The following TTC39A variants were observed in gnomAD, a reference collection of about 807,000 sequenced individuals.
TTC39A encodes tetratricopeptide repeat domain 39A, also known as tetratricopeptide repeat protein 39A.
Under a neutral mutation model 82.3 loss-of-function variants are expected in TTC39A, and 46 were observed. That is an observed-to-expected ratio of 0.56 (90% CI 0.44 to 0.71). The LOEUF is 0.71. Among genes scored for constraint, TTC39A ranks in the 30% least tolerant of loss-of-function variants. The pLI, the probability that TTC39A is intolerant of heterozygous loss-of-function variation, is 0.00. For synonymous variants in TTC39A, 254 were observed against 275.2 expected (o/e 0.92, Z 0.76); for missense variants, 543 against 712.9 (o/e 0.76, Z 2.71).
Position 51,321,648 on chromosome 1 carries a change from C to T in TTC39A, c.146+73G>A. On this transcript the variant is annotated intron_variant, in intron 2 of 17. Transcript: ENST00000680483. This position sits in a 1 kb window ranked among gnomAD's most constrained non-coding sequence, Gnocchi z 4.6. ...AAAGGCATTTAGTTACACAGGGTTC[C>T]TCTCATACAAGACCTCTGGTTCTCC... 2.9e-6 allele frequency: 4 copies of T among 1,403,196 alleles called. 1 individual carries two copies. In the South Asian group the frequency reaches 4.9e-5, roughly 17 times the overall value. The allele number at this position is 1,403,196 out of a possible 1,614,324, so 86.9% of individuals were successfully genotyped here. A position where few individuals can be genotyped will look rare whatever the true frequency, so the allele number is the denominator to read the frequency against.
At chr1:51,344,075 G>T (rs1361257980) in intron 1 of TTC39A, among the ~76,000 whole-genome samples, 1 of 152,180 alleles carries the variant, frequency 6.6e-6, no homozygotes, top group Admixed American at 6.5e-5. Flanking sequence ...TGTAGACGGG[G>T]GTGGGAGAAA....
chr1:51,323,452 T>TCTGGTCCAG (rs1645601077), intron 1 of TTC39A, among the ~76,000 whole-genome samples: 1 of 152,118 alleles, frequency 6.6e-6, no homozygotes, highest in Non-Finnish European at 1.5e-5. Flanking sequence ...CCCAATACCT[T>TCTGGTCCAG]CTGGTCCAGG....
chr1:51,324,629 C>T (rs1327847141), intron 1 of TTC39A, among the ~76,000 whole-genome samples: 1 of 152,138 alleles, frequency 6.6e-6, no homozygotes, highest in Non-Finnish European at 1.5e-5. Context: ...TCAAGCTATT[C>T]TCCTGCCTCA....
At chr1:51,292,832 C>T (rs1258525159) in intron 14 of TTC39A, among the ~76,000 whole-genome samples, 2 of 152,142 alleles carry the variant, frequency 1.3e-5, no homozygotes, top group African/African-American at 4.8e-5. Flanking sequence ...AAAAACATAT[C>T]TTTAAACTTC....
At chr1:51,341,451 G>A (rs983838621) in intron 1 of TTC39A, among the ~76,000 whole-genome samples, 14 of 152,166 alleles carry the variant, frequency 9.2e-5, no homozygotes, top group African/African-American at 3.1e-4. Flanking sequence ...GAAATGTGGT[G>A]TGCTGGCAGA....
chr1:51,288,203 G>A lies in TTC39A; in HGVS notation c.1688C>T (p.Ser563Phe). The change falls in exon 18 of 18, where the codon TCC (serine) becomes TTC (phenylalanine). Residue 563 changes from serine to phenylalanine, a missense_variant. Physicochemically the swap from Ser to Phe is radical, Grantham distance 155. Coordinates refer to ENST00000680483, the MANE Select transcript of TTC39A (RefSeq NM_001297663.2). The surrounding 1 kb of genome is among the most constrained non-coding windows in gnomAD (Gnocchi z 4.8). Reference protein sequence around the residue: ...IQAATLQAKSSLENSSRSMVS... With the variant: ...IQAATLQAKSFLENSSRSMVS... ...CATGGATCTGCTGCTGTTCTCTAGG[G>A]AAGACTTGGCTTGGAGTGTGGCTGC... 6.2e-7 allele frequency: 1 copy of A among 1,614,002 alleles called. No homozygotes were observed. The highest frequency in any genetic ancestry group is 8.5e-7 in the Non-Finnish European group (1 of 1,179,894).
rs772814192 is a variant in TTC39A, at chr1:51,309,230, T to C, written c.488+31A>G. On this transcript the variant is annotated intron_variant, in intron 6 of 17. Transcript: ENST00000680483. ...CTAGCAGATGCTGTGGCCCAGGGTC[T>C]CCCCACAAGCGGATGGCCAGCCCCA... 1.5e-5 allele frequency: 23 copies of C among 1,579,384 alleles called. No homozygotes were observed. In the South Asian group the frequency reaches 2.0e-4, roughly 14 times the overall value.
chr1:51,315,285 A>G (rs1645241667), intron 2 of TTC39A, among the ~76,000 whole-genome samples: 1 of 151,964 alleles, frequency 6.6e-6, no homozygotes, highest in African/African-American at 2.4e-5. Flanking sequence ...GAAGCCCCCA[A>G]CTCTAGTCTG....
At chr1:51,326,912 TG>T (rs1213961327) in intron 1 of TTC39A, among the ~76,000 whole-genome samples, 1 of 152,216 alleles carries the variant, frequency 6.6e-6, no homozygotes, top group Non-Finnish European at 1.5e-5. Context: ...GAAGAGGTGC[TG>T]GGCTGGATGG....
At chr1:51,344,921 C>T in intron 1 of TTC39A, 1 of 1,507,392 alleles carries the variant, frequency 6.6e-7, no homozygotes, top group Non-Finnish European at 8.9e-7. Context: ...TCCCCGACGT[C>T]GGCTGGGTCC....
chr1:51,305,063 T>A lies in TTC39A; in HGVS notation c.654+18A>T. ...CTGGGGCTGAGCAGGTCAGGGGTGC[T>A]AGGAGGCAGGTGGTTACCTTGTTTC... On this transcript the variant is annotated intron_variant, in intron 8 of 17. Coordinates refer to ENST00000680483, the MANE Select transcript of TTC39A (RefSeq NM_001297663.2). 6.2e-7 allele frequency: 1 copy of A among 1,612,842 alleles called. No individual in the cohort carries two copies. Among genetic ancestry groups the A allele is most frequent in the South Asian group, 1.1e-5 (1 of 91,024 alleles).
In TTC39A at chr1:51,294,431, T is replaced by C; in HGVS notation, c.1226A>G (p.Tyr409Cys). 6.2e-7 allele frequency: 1 copy of C among 1,613,886 alleles called. No individual in the cohort carries two copies. Among genetic ancestry groups the C allele is most frequent in the South Asian group, 1.1e-5 (1 of 91,062 alleles). The stretch of plus-strand genomic sequence containing the variant: ...CAGCGAGATAGGGTTGGAGGAGAAG[T>C]AGCGCCGGGACTTCCGGATGGCAAA... The part of the protein sequence containing the change: ...EKFAIRKSRR[Y>C]FSSNPISLPV... Residue 409 changes from tyrosine to cysteine, a missense_variant, in exon 14 of 18, where the codon TAC becomes TGC. Tyr to Cys is a radical substitution (Grantham distance 194). Coordinates refer to ENST00000680483, the MANE Select transcript of TTC39A (RefSeq NM_001297663.2). The surrounding 1 kb of genome is among the most constrained non-coding windows in gnomAD (Gnocchi z 4.3).
At chr1:51,305,040 GGGGCTGAGCA>G in intron 8 of TTC39A, 31 bp downstream of exon 8, 1 of 1,608,280 alleles carries the variant, frequency 6.2e-7, no homozygotes, top group Non-Finnish European at 8.5e-7. Context: ...CCCCAGTTCT[GGGGCTGAGCA>G]GGTCAGGGGT....
At chr1:51,335,497 C>T (rs1645963529), upstream of TTC39A, among the ~76,000 whole-genome samples, 1 of 145,928 alleles carries the variant, frequency 6.9e-6, no homozygotes, top group African/African-American at 2.6e-5. Context: ...GGAGGTGGAG[C>T]TTGCAGTGAG....
intron 1 of TTC39A, among the ~76,000 whole-genome samples, chr1:51,326,898 C>T (rs142459982): frequency 8.7e-4 from 133 of 152,284 alleles, no homozygotes; most frequent in African/African-American, 1.3e-3. Context: ...GAGAGGGACG[C>T]GGAGAAGAGG....
chr1:51,310,881 C>T (rs552614112), intron 5 of TTC39A, among the ~76,000 whole-genome samples: 7 of 152,288 alleles, frequency 4.6e-5, no homozygotes, highest in South Asian at 4.1e-4. Context: ...ATACCTATAC[C>T]GTGTGCAAAA....
chr1:51,318,677 C>A (rs982311519), intron 2 of TTC39A, among the ~76,000 whole-genome samples: 1 of 152,206 alleles, frequency 6.6e-6, no homozygotes, highest in South Asian at 2.1e-4. Flanking sequence ...AAGGGGACTA[C>A]GGAGAGTAGG....
At position 51,301,632 on chromosome 1, in the gene TTC39A, G is replaced by C. The variant is rs202137529; in HGVS notation, c.993C>G (p.Gly331=). The change falls in exon 12 of 18, where the codon GGC becomes GGG. Residue 331 remains glycine (G), a synonymous_variant. Transcript: ENST00000680483. ...CGTAGAAGTAGGACATCTTCCACTG[G>C]CCCTTGTAGGTGAAGCACCACATCA... The part of the protein sequence containing the change: ...WELMWCFTYK[G]QWKMSYFYAD... 64 of 1,613,646 alleles carry C rather than the reference G, an allele frequency of 4.0e-5. No homozygotes were observed. Among genetic ancestry groups the C allele is most frequent in the Non-Finnish European group, 5.2e-5 (61 of 1,179,760 alleles).
At chr1:51,306,231 C>G (rs1435450284) in intron 6 of TTC39A, among the ~76,000 whole-genome samples, 155 bp from the exon 7 acceptor site, 1 of 152,130 alleles carries the variant, frequency 6.6e-6, no homozygotes, top group East Asian at 1.9e-4. Flanking sequence ...TTTCGAACCC[C>G]ATCTCCCACC....
Sources: gnomAD v4.1 joint callset for allele counts (sites outside exome capture counted in the v4.1 genomes callset) on GRCh38, gnomAD v4.1.1 for gene constraint, Gnocchi (gnomAD v3.1) non-coding constraint, MANE v1.5 for transcripts, NCBI Gene and HGNC (gene_info 2026-07-23, HGNC 2026-07-21) for gene names.